The following DNM2 variants were observed in gnomAD, a reference collection of about 807,000 sequenced individuals.
DNM2 encodes the protein dynamin 2, also known as dynamin-2.
A neutral mutation model predicts 99.0 loss-of-function variants in DNM2; 15 were observed. That is an observed-to-expected ratio of 0.15 (90% confidence interval 0.10 to 0.23). The LOEUF (loss-of-function observed/expected upper bound fraction) is 0.23, where lower values mean the gene tolerates loss of function less well. DNM2 is among the 10% of genes least tolerant of loss of function. The pLI is 1.00. For missense variants in DNM2, 742 were observed against 1,189.4 expected (o/e 0.62, Z 5.53); for synonymous variants, 525 against 481.2 (o/e 1.09, Z -1.19).
intron 1 of DNM2, among the ~76,000 whole-genome samples, chr19:10,726,230 A>AT (rs5827110): frequency 5.6e-5 from 8 of 143,618 alleles, no homozygotes; most frequent in Admixed American, 1.4e-4. Context: ...AAAAAAAAAA[A>AT]TTTTTTTTTT....
chr19:10,741,589 G>A lies in DNM2; in HGVS notation c.162-18149G>A, dbSNP rs1037614756. On this transcript the variant is annotated intron_variant, in intron 1 of 20. Coordinates refer to ENST00000389253, the MANE Select transcript of DNM2 (RefSeq NM_001005361.3). ...TTTTGAGACAGAGTCTTGCTCTGTCGCCCAGGCTGGAGTGCAGTGGCGCGA... is the reference window on the plus strand; with the variant it reads ...TTTTGAGACAGAGTCTTGCTCTGTCACCCAGGCTGGAGTGCAGTGGCGCGA... 2.5e-3 allele frequency among the ~76,000 whole-genome samples: 355 copies of A among 143,592 alleles called. 5 individuals are homozygous for A. Among genetic ancestry groups the A allele is most frequent in the African/African-American group, 8.0e-3 (308 of 38,612 alleles). 94.2% of individuals were successfully genotyped at this position (143,592 alleles called of 152,430 possible). A position where few individuals can be genotyped will look rare whatever the true frequency, so the allele number is the denominator to read the frequency against.
Position 10,795,470 on chromosome 19 carries a change from C to T in DNM2, c.1196+31C>T, listed in dbSNP as rs201302083. 1 of 1,612,894 alleles carries T rather than the reference C, an allele frequency of 6.2e-7. No individual in the cohort carries two copies. The highest frequency in any genetic ancestry group is 1.1e-5 in the South Asian group (1 of 91,038). On this transcript the variant is annotated intron_variant, in intron 9 of 20. Coordinates refer to ENST00000389253, the MANE Select transcript of DNM2 (RefSeq NM_001005361.3). The surrounding 1 kb of genome is among the most constrained non-coding windows in gnomAD (Gnocchi z 4.2). ...TTCCACGAGGAGAGTCACCACTGTT[C>T]CTTCCTCTCCGTGGTGCGACCCCCC...
At chr19:10,732,850 T>G (rs2069381326) in intron 1 of DNM2, among the ~76,000 whole-genome samples, 1 of 151,938 alleles carries the variant, frequency 6.6e-6, no homozygotes, top group African/African-American at 2.4e-5. Flanking sequence ...CCTGCTATAT[T>G]TAGTGCCTCC....
chr19:10,753,939 G>C (rs2070293500), intron 1 of DNM2, among the ~76,000 whole-genome samples: 2 of 152,138 alleles, frequency 1.3e-5, no homozygotes, highest in African/African-American at 4.8e-5. Flanking sequence ...TTACAGGCGT[G>C]AGCCATTATG....
In DNM2 at chr19:10,831,072, G is replaced by C; in HGVS notation, c.*25G>C. The C allele has an allele frequency of 6.3e-7, 1 of 1,583,334 alleles. No homozygotes were observed. Among genetic ancestry groups the C allele is most frequent in the Non-Finnish European group, 8.6e-7 (1 of 1,164,570 alleles). On this transcript the variant is annotated 3_prime_UTR_variant, in exon 21 of 21. Transcript: ENST00000389253. This position sits in a 1 kb window ranked among gnomAD's most constrained non-coding sequence, Gnocchi z 4.3. Reference sequence around the variant, plus strand: ...GGCCTCGAGGGGGGCGTGCTCTCGGGGGGGCCTCACGCACCCGCGGCGCAG... The same window carrying C: ...GGCCTCGAGGGGGGCGTGCTCTCGGCGGGGCCTCACGCACCCGCGGCGCAG...
chr19:10,749,187 C>T (rs1028405442), intron 1 of DNM2, among the ~76,000 whole-genome samples: 1 of 152,208 alleles, frequency 6.6e-6, no homozygotes, highest in Non-Finnish European at 1.5e-5. Flanking sequence ...TTGATTCTCC[C>T]TCCCATGGGA....
chr19:10,828,983 G>C, intron 18 of DNM2, 53 bp from the exon 19 acceptor site: 1 of 1,562,616 alleles, frequency 6.4e-7, no homozygotes. Flanking sequence ...GTCACTGTGG[G>C]TTCTGGGTTG....
In DNM2 at chr19:10,761,414, C is replaced by T. The variant is rs554017308; in HGVS notation, c.235+1603C>T. Among the ~76,000 whole-genome samples the T allele has an allele frequency of 5.3e-5, 8 of 152,148 alleles. 1 individual carries two copies. In the South Asian group the frequency reaches 1.7e-3, roughly 32 times the overall value. ...TCAGTGTATTTCTATTCTTCCCACC[C>T]GAGGCTGACATGAGGTGGGCGTATA... is the stretch of plus-strand genomic sequence containing the variant. On this transcript the variant is annotated intron_variant, in intron 2 of 20. Coordinates refer to ENST00000389253, the MANE Select transcript of DNM2 (RefSeq NM_001005361.3).
In DNM2 at chr19:10,783,512, C is replaced by T. The variant is rs534653293; in HGVS notation, c.849+392C>T. Reference sequence around the variant, plus strand: ...AAAAGAAATGTACTTGATTCAGGGTCTGGTGAAGAGCAGATGTTCAGTGAC... The same window carrying T: ...AAAAGAAATGTACTTGATTCAGGGTTTGGTGAAGAGCAGATGTTCAGTGAC... On this transcript the variant is annotated intron_variant, in intron 6 of 20. Coordinates refer to ENST00000389253, the MANE Select transcript of DNM2 (RefSeq NM_001005361.3). Among the ~76,000 whole-genome samples, 70 of 152,086 alleles carry T rather than the reference C, an allele frequency of 4.6e-4. 1 individual carries two copies. Among genetic ancestry groups the T allele is most frequent in the Middle Eastern group, 3.4e-3 (1 of 294 alleles).
chr19:10,824,883 C>A, intron 17 of DNM2, 174 bp from the exon 18 acceptor site: 1 of 940,138 alleles, frequency 1.1e-6, no homozygotes. Context: ...CAGGGTCACC[C>A]CATTGTTTGG....
chr19:10,726,349 C>T (rs567844961), intron 1 of DNM2, among the ~76,000 whole-genome samples: 1 of 152,204 alleles, frequency 6.6e-6, no homozygotes, highest in African/African-American at 2.4e-5. Flanking sequence ...GTGTGAGCCG[C>T]CGAACCCGGC....
At chr19:10,776,463 A>G (rs1221902984) in intron 4 of DNM2, among the ~76,000 whole-genome samples, 1 of 129,610 alleles carries the variant, frequency 7.7e-6, no homozygotes, top group Non-Finnish European at 1.7e-5. Flanking sequence ...GGCCCCCTTG[A>G]TGCCCAAATT....
At position 10,831,593 on chromosome 19, in the gene DNM2, C is replaced by A; in HGVS notation, c.*546C>A. On this transcript the variant is annotated 3_prime_UTR_variant, in exon 21 of 21. Transcript: ENST00000389253. The surrounding 1 kb of genome is among the most constrained non-coding windows in gnomAD (Gnocchi z 4.3). ...GGCCATATTAACCACACAGCCTGAG[C>A]CTGGCCCAGCCTCGGCTGCCAGAGG... The A allele has an allele frequency of 1.0e-6, 1 of 986,046 alleles. No individual in the cohort carries two copies. Among genetic ancestry groups the A allele is most frequent in the Non-Finnish European group, 1.2e-6 (1 of 830,090 alleles). 61.1% of individuals were successfully genotyped at this position (986,046 alleles called of 1,614,324 possible).
chr19:10,750,478 C>CT (rs752128256), intron 1 of DNM2, among the ~76,000 whole-genome samples: 110 of 150,380 alleles, frequency 7.3e-4, no homozygotes, highest in South Asian at 1.7e-3. Context: ...GATGCCATCT[C>CT]TAAAAAAAAA....
rs2071830019 is a variant in DNM2, at chr19:10,793,637, A to G, written c.993-83A>G. The stretch of plus-strand genomic sequence containing the variant: ...TGCTGAAAAATGGTAAAAGAACAGT[A>G]AACCCTGGCTTGACTTGGAACATCA... On this transcript the variant is annotated intron_variant, in intron 7 of 20. Transcript: ENST00000389253. 1.9e-6 allele frequency: 3 copies of G among 1,612,764 alleles called. No homozygotes were observed. The African/African-American group carries it at 4.0e-5, about 21-fold the overall frequency.
At chr19:10,739,417 T>C (rs903212796) in intron 1 of DNM2, among the ~76,000 whole-genome samples, 6 of 152,196 alleles carry the variant, frequency 3.9e-5, no homozygotes, top group African/African-American at 1.2e-4. Context: ...TATGAAGCAG[T>C]TCCTCCCTCC....
chr19:10,781,018 T>A (rs1171155778), intron 5 of DNM2, among the ~76,000 whole-genome samples: 8 of 114,430 alleles, frequency 7.0e-5, no homozygotes, highest in African/African-American at 2.1e-4. Flanking sequence ...ACTCTGTCTT[T>A]AAAAAAAAAA....
Position 10,775,390 on chromosome 19 carries a change from TTGTC to T in DNM2, c.386-309_386-306del, listed in dbSNP as rs1308519496. ...AGCCACCGCACCCAGCCTCATCTGT[TTGTC>T]TGTAATGGTTCTTTGGTATTGGCTG... On this transcript the variant is annotated intron_variant, in intron 3 of 20. Coordinates refer to ENST00000389253, the MANE Select transcript of DNM2 (RefSeq NM_001005361.3). This position sits in a 1 kb window ranked among gnomAD's most constrained non-coding sequence, Gnocchi z 4.3. Among the ~76,000 whole-genome samples, 3 of 152,204 alleles carry T rather than the reference TTGTC, an allele frequency of 2.0e-5. No homozygotes were observed. The highest frequency in any genetic ancestry group is 7.2e-5 in the African/African-American group (3 of 41,454).
chr19:10,732,701 G>T (rs2069373437), intron 1 of DNM2, among the ~76,000 whole-genome samples: 1 of 151,328 alleles, frequency 6.6e-6, no homozygotes, highest in African/African-American at 2.4e-5. Flanking sequence ...GCTCTTGCCA[G>T]ATTTTTTATA....
Sources: allele counts gnomAD v4.1 joint callset (sites outside exome capture counted in the v4.1 genomes callset), GRCh38; gene constraint gnomAD v4.1.1; non-coding constraint Gnocchi (gnomAD v3.1); transcripts MANE v1.5; gene names NCBI Gene and HGNC (gene_info 2026-07-23, HGNC 2026-07-21).